The following UGT1A6 variants were observed in gnomAD, a reference collection of about 807,000 sequenced individuals.
UGT1A6 encodes the protein UDP-glucuronosyltransferase 1A6.
Under a neutral mutation model 44.4 loss-of-function variants are expected in UGT1A6, and 32 were observed. The observed-to-expected ratio is 0.72, with a 90% CI of 0.54 to 0.97. The LOEUF (loss-of-function observed/expected upper bound fraction) is 0.97. UGT1A6 is among the 50% of genes least tolerant of loss of function. The probability of loss-of-function intolerance (pLI) is 0.00; values close to 1 mark genes in which losing one functional copy is unlikely to be tolerated. For synonymous variants in UGT1A6, 238 were observed against 248.5 expected (o/e 0.96, Z 0.40); for missense variants, 685 against 661.9 (o/e 1.03, Z -0.38).
intron 1 of UGT1A6, chr2:233,748,039 T>A: frequency 1.2e-6 from 2 of 1,613,500 alleles, no homozygotes; most frequent in South Asian, 1.1e-5. Flanking sequence ...ATGGTCTTCA[T>A]TGGGGGCATC....
rs142877456 is a variant in UGT1A6, at chr2:233,729,472, A to G, written c.861+35607A>G. On this transcript the variant is annotated intron_variant, in intron 1 of 4. Transcript: ENST00000305139. ...GAAGAAATTTTTCAGAAGTATGGCA[A>G]TGTTGAACAATATGTCTTTGGTCTA... 29 of 1,614,082 alleles carry G rather than the reference A, an allele frequency of 1.8e-5. No homozygotes were observed. The highest frequency in any genetic ancestry group is 2.5e-5 in the Non-Finnish European group (29 of 1,180,048).
intron 1 of UGT1A6, among the ~76,000 whole-genome samples, chr2:233,699,699 G>A (rs1322177802): frequency 2.6e-5 from 4 of 152,198 alleles, no homozygotes; most frequent in African/African-American, 9.7e-5. Context: ...AACAATGAAT[G>A]TGGTTTTCTT....
In UGT1A6 at chr2:233,759,969, C is replaced by T. The variant is rs922270020; in HGVS notation, c.862-7065C>T. Among the ~76,000 whole-genome samples the T allele has an allele frequency of 3.3e-5, 5 of 152,292 alleles. No homozygotes were observed. The East Asian group carries it at 9.6e-4, about 29-fold the overall frequency. On this transcript the variant is annotated intron_variant, in intron 1 of 4. Transcript: ENST00000305139. ...GTTCACTACATAGTCGTCCTTCTTC[C>T]TCTCTGGTAACACTTGTTGGTCTGT...
chr2:233,762,622 T>C (rs772893097), intron 1 of UGT1A6, among the ~76,000 whole-genome samples: 2 of 152,196 alleles, frequency 1.3e-5, no homozygotes, highest in African/African-American at 4.8e-5. Context: ...TGTTGTGACC[T>C]CAAACACTTC....
chr2:233,765,251 A>C (rs1476483631), intron 1 of UGT1A6, among the ~76,000 whole-genome samples: 1 of 152,222 alleles, frequency 6.6e-6, no homozygotes, highest in African/African-American at 2.4e-5. Flanking sequence ...TAATCCCATT[A>C]CTGGGTATAT....
chr2:233,699,793 A>G (rs529077089), intron 1 of UGT1A6, among the ~76,000 whole-genome samples: 1 of 152,296 alleles, frequency 6.6e-6, no homozygotes, highest in South Asian at 2.1e-4. Flanking sequence ...TCCTCCTCTC[A>G]TATTCTGGAG....
At chr2:233,729,454 T>A (rs758737792) in intron 1 of UGT1A6, 14 of 1,613,924 alleles carry the variant, frequency 8.7e-6, no homozygotes, top group Non-Finnish European at 1.2e-5. Flanking sequence ...TCTGAAGAAA[T>A]TTTTCAGAAG....
chr2:233,694,002 A>G, intron 1 of UGT1A6, 137 bp downstream of exon 1: 1 of 1,487,164 alleles, frequency 6.7e-7, no homozygotes, highest in South Asian at 1.3e-5. Context: ...CCCGGCTCGG[A>G]GCAGCGGGAA....
Position 233,693,159 on chromosome 2 carries a change from G to A in UGT1A6, c.155G>A (p.Arg52Gln), listed in dbSNP as rs771283740. The part of the protein sequence containing the change: ...MKDIVEVLSD[R>Q]GHEIVVVVPE... The stretch of plus-strand genomic sequence containing the variant: ...GATATAGTTGAGGTTCTCAGTGACC[G>A]GGGTCATGAGATTGTAGTGGTGGTG... Residue 52 changes from arginine (R) to glutamine (Q), a missense_variant, in exon 1 of 5, where the codon CGG becomes CAG. Physicochemically the swap from Arg to Gln is conservative, Grantham distance 43 (BLOSUM62 1). Coordinates refer to ENST00000305139, the MANE Select transcript of UGT1A6 (RefSeq NM_001072.4). 7.4e-6 allele frequency: 12 copies of A among 1,614,064 alleles called. No homozygotes were observed. The highest frequency in any genetic ancestry group is 4.4e-5 in the South Asian group (4 of 91,080).
At chr2:233,707,924 T>C (rs746217325) in intron 1 of UGT1A6, among the ~76,000 whole-genome samples, 1 of 152,236 alleles carries the variant, frequency 6.6e-6, no homozygotes, top group Non-Finnish European at 1.5e-5. Context: ...GGTTTTAAAA[T>C]ATACTTATCA....
In UGT1A6 at chr2:233,760,900, AC is replaced by A. The variant is rs1697605792; in HGVS notation, c.862-6132del. 3.1e-6 allele frequency: 5 copies of A among 1,613,652 alleles called. No individual in the cohort carries two copies. The highest frequency in any genetic ancestry group is 3.3e-5 in the Admixed American group (2 of 59,970). On this transcript the variant is annotated intron_variant, in intron 1 of 4. Coordinates refer to ENST00000305139, the MANE Select transcript of UGT1A6 (RefSeq NM_001072.4). The stretch of plus-strand genomic sequence containing the variant: ...TCTCTCCTCTCATTCAGATCACATG[AC>A]CTTCCTGCAGCGGGTGAAGAACATG...
At chr2:233,712,264 CT>C (rs2076222738) in intron 1 of UGT1A6, among the ~76,000 whole-genome samples, 1 of 152,216 alleles carries the variant, frequency 6.6e-6, no homozygotes, top group African/African-American at 2.4e-5. Flanking sequence ...CACATGTGTG[CT>C]TTAGACAGCA....
At chr2:233,719,259 G>A (rs746608425) in intron 1 of UGT1A6, 2 of 1,614,146 alleles carry the variant, frequency 1.2e-6, no homozygotes, top group Admixed American at 1.7e-5. Flanking sequence ...TACTTCCTTT[G>A]ATGTGGTTTT....
At chr2:233,718,362 C>T (rs1203132382) in intron 1 of UGT1A6, among the ~76,000 whole-genome samples, 5 of 152,178 alleles carry the variant, frequency 3.3e-5, no homozygotes, top group Non-Finnish European at 7.4e-5. Flanking sequence ...CTGTGTTATT[C>T]ACATATGAGA....
intron 1 of UGT1A6, chr2:233,729,534 C>A: frequency 6.2e-7 from 1 of 1,614,090 alleles, no homozygotes; most frequent in Non-Finnish European, 8.5e-7. Flanking sequence ...ATAATGAGGC[C>A]CTGATCAGGC....
At chr2:233,718,883 T>C in intron 1 of UGT1A6, 2 of 1,613,952 alleles carry the variant, frequency 1.2e-6, no homozygotes, top group Non-Finnish European at 1.7e-6. Flanking sequence ...TCCTCCTCAG[T>C]GTCCAGCCCT....
rs760166727 is a variant in UGT1A6 at position 233,760,242 on chromosome 2, A to G, written c.862-6792A>G. ...ATCGATTGGTTTTTGCCATATATAT[A>G]TATATAAGTAGGAGAGGGCGAACCT... On this transcript the variant is annotated intron_variant, in intron 1 of 4. Coordinates refer to ENST00000305139, the MANE Select transcript of UGT1A6 (RefSeq NM_001072.4). The G allele has an allele frequency of 7.2e-5, 116 of 1,607,556 alleles. 3 individuals carry two copies. The Admixed American group carries it at 1.9e-3, about 26-fold the overall frequency.
chr2:233,710,601 T>C (rs2076138881), intron 1 of UGT1A6, among the ~76,000 whole-genome samples: 2 of 152,296 alleles, frequency 1.3e-5, no homozygotes, highest in Admixed American at 1.3e-4. Flanking sequence ...CCTTTATTGG[T>C]TTGTTTGTCT....
intron 1 of UGT1A6, among the ~76,000 whole-genome samples, chr2:233,744,984 T>A (rs1359972608): frequency 1.3e-5 from 2 of 151,892 alleles, no homozygotes; most frequent in Non-Finnish European, 2.9e-5. Flanking sequence ...CCTCTAGTCA[T>A]CTCTTGATTA....
Sources: gnomAD v4.1 joint callset for allele counts (sites outside exome capture counted in the v4.1 genomes callset) on GRCh38, gnomAD v4.1.1 for gene constraint, MANE v1.5 for transcripts, NCBI Gene and HGNC (gene_info 2026-07-23, HGNC 2026-07-21) for gene names.